The following TNRC6B variants were observed in gnomAD, a reference collection of about 807,000 sequenced individuals.
The protein encoded by TNRC6B is trinucleotide repeat containing adaptor 6B, also known as trinucleotide repeat-containing gene 6B protein.
In TNRC6B, 52 loss-of-function variants were observed where a neutral mutation model predicts 203.6. That is an observed-to-expected ratio of 0.26 (90% confidence interval 0.20 to 0.32). TNRC6B has a LOEUF of 0.32. Among genes scored for constraint, TNRC6B ranks in the 10% least tolerant of loss-of-function variants. TNRC6B has a pLI of 1.00. For synonymous variants in TNRC6B, 838 were observed against 845.7 expected (o/e 0.99, Z 0.16); for missense variants, 1,923 against 2,286.2 (o/e 0.84, Z 3.24).
At chr22:40,092,125 A>G (rs2068155355) in intron 1 of TNRC6B, among the ~76,000 whole-genome samples, 1 of 152,208 alleles carries the variant, frequency 6.6e-6, no homozygotes, top group Non-Finnish European at 1.5e-5. Context: ...ATTTGAGGCC[A>G]GGCGTGTTGG....
intron 3 of TNRC6B, among the ~76,000 whole-genome samples, chr22:40,138,096 A>C (rs1307717321): frequency 6.6e-6 from 1 of 152,104 alleles, no homozygotes; most frequent in Admixed American, 6.6e-5. Flanking sequence ...CCTCAGGAAG[A>C]CTGAGGAAGG....
rs2146498410 is a variant in TNRC6B, at chr22:40,264,929, A to G, written c.699A>G (p.Gly233=). Residue 233 remains glycine, a synonymous_variant, in exon 5 of 23, where the codon GGA becomes GGG. Transcript: ENST00000454349. ...GCTCTGAGAAGAGCACTCTGCCAGG[A>G]AGCACCACTAGTAACAAAGGAAAAG... ...NPGSEKSTLP[G]STTSNKGKGS... is the part of the protein sequence containing the mutation. 6.2e-7 allele frequency: 1 copy of G among 1,613,968 alleles called. No homozygotes were observed. The highest frequency in any genetic ancestry group is 2.2e-5 in the East Asian group (1 of 44,882).
chr22:40,141,677 AG>A (rs1291527703), intron 3 of TNRC6B, among the ~76,000 whole-genome samples: 1 of 152,112 alleles, frequency 6.6e-6, no homozygotes, highest in African/African-American at 2.4e-5. Flanking sequence ...GTTCAGCTGT[AG>A]TCTGCCTACT....
At position 40,255,460 on chromosome 22, in the gene TNRC6B, C is replaced by T. The variant is rs139784950; in HGVS notation, c.115+4260C>T. Among the ~76,000 whole-genome samples, 8 of 152,206 alleles carry T rather than the reference C, an allele frequency of 5.3e-5. No individual in the cohort carries two copies. In the East Asian group the frequency reaches 1.5e-3, roughly 29 times the overall value. Reference sequence around the variant, plus strand: ...TCATTTATTAATATTGGAGGGGTCCCCTCCATTAAATAATTTATAAACTAC... The same window carrying T: ...TCATTTATTAATATTGGAGGGGTCCTCTCCATTAAATAATTTATAAACTAC... On this transcript the variant is annotated intron_variant, in intron 3 of 22. Coordinates refer to ENST00000454349, the MANE Select transcript of TNRC6B (RefSeq NM_001162501.2).
At chr22:40,154,579 G>A (rs564721245) in intron 3 of TNRC6B, among the ~76,000 whole-genome samples, 1 of 149,362 alleles carries the variant, frequency 6.7e-6, no homozygotes, top group East Asian at 2.0e-4. Flanking sequence ...GGTGGCTCAC[G>A]CCTGTAATCC....
chr22:40,130,678 GAGGCTGAGGC>G (rs147954199), intron 3 of TNRC6B, among the ~76,000 whole-genome samples: 7,840 of 149,154 alleles, frequency 0.053, 731 homozygotes, highest in African/African-American at 0.19. Flanking sequence ...TCCCCCGCGG[GAGGCTGAGGC>G]AGGAAAATGG....
intron 4 of TNRC6B, among the ~76,000 whole-genome samples, chr22:40,158,766 A>G (rs1191186013): frequency 3.3e-5 from 5 of 152,232 alleles, no homozygotes; most frequent in Admixed American, 3.3e-4. Context: ...CAGCTATTAC[A>G]TACTGAAGTG....
chr22:40,307,018 T>A (rs896053109), intron 15 of TNRC6B, among the ~76,000 whole-genome samples: 4 of 152,034 alleles, frequency 2.6e-5, no homozygotes, highest in African/African-American at 9.7e-5. Flanking sequence ...AATATTTTCA[T>A]CTCATTCTAA....
intron 1 of TNRC6B, among the ~76,000 whole-genome samples, chr22:40,189,043 T>A (rs1341240956): frequency 6.6e-6 from 1 of 152,154 alleles, no homozygotes; most frequent in Admixed American, 6.5e-5. Context: ...AAGAATCATT[T>A]ATCAGTCCCA....
At chr22:40,280,970 A>T in intron 10 of TNRC6B, 149 bp from the exon 11 acceptor site, 1 of 646,664 alleles carries the variant, frequency 1.5e-6, no homozygotes, top group Non-Finnish European at 2.5e-6. Context: ...AAGTGTAAAG[A>T]TTATTATCAG....
In TNRC6B at chr22:40,329,983, A is replaced by T. The variant is rs1569074739; in HGVS notation, c.*6742A>T. 6.6e-6 allele frequency: 1 copy of T among 152,230 alleles called. No homozygotes were observed. The highest frequency in any genetic ancestry group is 1.5e-5 in the Non-Finnish European group (1 of 68,036). The allele number at this position is 152,230 out of a possible 1,614,324, so 9.4% of individuals were successfully genotyped here. ...AGTCTTCAGTTCTTCACTGTGACAA[A>T]TGCTTATCTTGTTCATGGGAGGGGA... On this transcript the variant is annotated 3_prime_UTR_variant, in exon 23 of 23. Transcript: ENST00000454349.
chr22:40,122,691 C>CGAA (rs2068456477), intron 2 of TNRC6B, among the ~76,000 whole-genome samples: 1 of 152,174 alleles, frequency 6.6e-6, no homozygotes, highest in African/African-American at 2.4e-5. Flanking sequence ...ATTCCCCTTT[C>CGAA]ACAGCATGTC....
chr22:40,125,951 CTG>C (rs2068489133), intron 3 of TNRC6B: 2 of 1,291,494 alleles, frequency 1.5e-6, no homozygotes, highest in South Asian at 1.5e-5. Flanking sequence ...TTTTACATGA[CTG>C]TAAAAATTCG....
chr22:40,086,548 C>A (rs2068100947), intron 1 of TNRC6B, among the ~76,000 whole-genome samples: 1 of 152,108 alleles, frequency 6.6e-6, no homozygotes, highest in East Asian at 1.9e-4. Context: ...TCAGTCATTT[C>A]TTCAGGGAGC....
In TNRC6B at chr22:40,273,449, G is replaced by T. The variant is rs376009962; in HGVS notation, c.2990G>T (p.Trp997Leu). 2.5e-6 allele frequency: 4 copies of T among 1,609,038 alleles called. No homozygotes were observed. Among genetic ancestry groups the T allele is most frequent in the East Asian group, 2.2e-5 (1 of 44,746 alleles). ...KPNSKSMQDG[W>L]GESDGPVTGA... ...GATTCCAAATCTATGCAAGACGGCTGGGGGGAGAGTGACGGGCCAGTCACA... is the reference window on the plus strand; with the variant it reads ...GATTCCAAATCTATGCAAGACGGCTTGGGGGAGAGTGACGGGCCAGTCACA... The change falls in exon 7 of 23, where the codon TGG becomes TTG. Residue 997 changes from tryptophan (W) to leucine (L), a missense_variant. Physicochemically the swap from Trp to Leu is moderately conservative, Grantham distance 61. Transcript: ENST00000454349.
Position 40,278,187 on chromosome 22 carries a change from C to T in TNRC6B, c.3262+143C>T, listed in dbSNP as rs945649298. 1.8e-5 allele frequency: 12 copies of T among 677,592 alleles called. No individual in the cohort carries two copies. In the East Asian group the frequency reaches 3.0e-4, roughly 17 times the overall value. The allele number at this position is 677,592 out of a possible 1,614,324, so 42.0% of individuals were successfully genotyped here. The stretch of plus-strand genomic sequence containing the variant: ...ACTCTTTGTAAGGTACTGTGCTAGA[C>T]ACTGGGCAGGGATAGAAAACTCACA... On this transcript the variant is annotated intron_variant, in intron 9 of 22. Transcript: ENST00000454349.
At chr22:40,258,101 T>TA (rs1555894201) in intron 3 of TNRC6B, among the ~76,000 whole-genome samples, 5 of 108,414 alleles carry the variant, frequency 4.6e-5, no homozygotes, top group Admixed American at 1.7e-4. Context: ...TTTTTTTTTT[T>TA]ACCCCACAAT....
chr22:40,198,102 G>T (rs556657506), intron 1 of TNRC6B, among the ~76,000 whole-genome samples: 1 of 152,160 alleles, frequency 6.6e-6, no homozygotes, highest in South Asian at 2.1e-4. Flanking sequence ...AAGCTATAAC[G>T]AAGAAAATAG....
At chr22:40,237,024 G>T (rs1475660394) in intron 1 of TNRC6B, among the ~76,000 whole-genome samples, 1 of 152,124 alleles carries the variant, frequency 6.6e-6, no homozygotes, top group East Asian at 1.9e-4. Context: ...AATTAGCTGG[G>T]CGTGGTGGTG....
Sources: gnomAD v4.1 joint callset for allele counts (sites outside exome capture counted in the v4.1 genomes callset) on GRCh38, gnomAD v4.1.1 for gene constraint, MANE v1.5 for transcripts, NCBI Gene and HGNC (gene_info 2026-07-23, HGNC 2026-07-21) for gene names.